KLHL29: variants seen among roughly 807,000 people sequenced by gnomAD.
KLHL29 encodes kelch like family member 29.
KLHL29 carries 21 observed loss-of-function variants against 80.4 expected under a neutral mutation model. The observed-to-expected ratio is 0.26, with a 90% confidence interval of 0.19 to 0.38. The LOEUF (loss-of-function observed/expected upper bound fraction) is 0.38. Ranked by LOEUF, KLHL29 falls within the 10% of genes least tolerant of loss-of-function variation. The probability of loss-of-function intolerance (pLI) is 1.00; values close to 1 mark genes in which losing one functional copy is unlikely to be tolerated. For synonymous variants in KLHL29, 511 were observed against 526.8 expected (o/e 0.97, Z 0.41); for missense variants, 867 against 1,223.9 (o/e 0.71, Z 4.35).
rs1339149265 is a variant in KLHL29, at chr2:23,647,563, CA to C, written c.940+4714del. On this transcript the variant is annotated intron_variant, in intron 5 of 13. Transcript: ENST00000486442. The surrounding 1 kb of genome is among the most constrained non-coding windows in gnomAD (Gnocchi z 4.9). The stretch of plus-strand genomic sequence containing the variant: ...TTCTGTACCCCCACCACCCCACCAT[CA>C]GGCCACCGTCACCTCTGGCCTGCAC... Among the ~76,000 whole-genome samples, 1 of 152,174 alleles carries C rather than the reference CA, an allele frequency of 6.6e-6. No homozygotes were observed. The highest frequency in any genetic ancestry group is 1.5e-5 in the Non-Finnish European group (1 of 68,016).
chr2:23,525,720 G>A (rs1247444628), intron 2 of KLHL29, among the ~76,000 whole-genome samples: 1 of 49,922 alleles, frequency 2.0e-5, no homozygotes, highest in Non-Finnish European at 3.4e-5. Flanking sequence ...GTGAGCCCCA[G>A]CCCCTGCCCC....
chr2:23,534,803 G>T (rs557481755), intron 2 of KLHL29, among the ~76,000 whole-genome samples: 1 of 152,278 alleles, frequency 6.6e-6, no homozygotes, highest in South Asian at 2.1e-4. Context: ...TGCAGAATTA[G>T]AAAGAAAAAA....
intron 1 of KLHL29, among the ~76,000 whole-genome samples, chr2:23,432,363 T>C (rs1482877714): frequency 6.6e-6 from 1 of 152,258 alleles, no homozygotes; most frequent in East Asian, 1.9e-4. Context: ...ATCTGTGCTC[T>C]TAGCTGGTTA....
intron 5 of KLHL29, among the ~76,000 whole-genome samples, chr2:23,671,325 C>A (rs1670751493): frequency 6.6e-6 from 1 of 152,004 alleles, no homozygotes; most frequent in Non-Finnish European, 1.5e-5. Context: ...GCCCCATGCC[C>A]AGTTCTCTCT....
intron 1 of KLHL29, among the ~76,000 whole-genome samples, chr2:23,389,651 C>A (rs13015234): frequency 2.6e-5 from 4 of 151,178 alleles, no homozygotes; most frequent in Admixed American, 2.6e-4. Context: ...ACAGTGATCA[C>A]GCCACTGTAC....
intron 2 of KLHL29, among the ~76,000 whole-genome samples, chr2:23,499,441 A>G (rs1665366759): frequency 6.6e-6 from 1 of 152,152 alleles, no homozygotes. Flanking sequence ...ACCTGAATAG[A>G]TACTTATGTT....
chr2:23,615,006 C>T (rs1487240371), intron 3 of KLHL29, among the ~76,000 whole-genome samples: 1 of 152,236 alleles, frequency 6.6e-6, no homozygotes, highest in Non-Finnish European at 1.5e-5. Context: ...CCGTTCCAGC[C>T]ATCAGGTCCT....
chr2:23,572,266 C>G (rs1308890574), intron 3 of KLHL29, among the ~76,000 whole-genome samples: 1 of 152,228 alleles, frequency 6.6e-6, no homozygotes, highest in East Asian at 1.9e-4. Context: ...GCACCTGCCA[C>G]TCCGTCTTCC....
rs1336276557 is a variant in KLHL29 at position 23,669,368 on chromosome 2, G to A, written c.941-15031G>A. ...GAATGGGTAGATGTTTTCTGAACGA[G>A]GGCGAAGGAATTCCCTGGCAGAGGG... On this transcript the variant is annotated intron_variant, in intron 5 of 13. Coordinates refer to ENST00000486442, the MANE Select transcript of KLHL29 (RefSeq NM_052920.2). The surrounding 1 kb of genome is among the most constrained non-coding windows in gnomAD (Gnocchi z 4.3). 1 of 152,232 alleles carries A rather than the reference G, an allele frequency of 6.6e-6. No homozygotes were observed. The highest frequency in any genetic ancestry group is 2.4e-5 in the African/African-American group (1 of 41,440). The allele number at this position is 152,232 out of a possible 1,614,324, so 9.4% of individuals were successfully genotyped here.
chr2:23,433,309 C>T (rs1663236438), intron 1 of KLHL29, among the ~76,000 whole-genome samples: 1 of 152,234 alleles, frequency 6.6e-6, no homozygotes, highest in Admixed American at 6.5e-5. Context: ...ATTATGGTGG[C>T]TACAAAGCTG....
intron 4 of KLHL29, 70 bp downstream of exon 4, chr2:23,639,350 G>T (rs569200817): frequency 6.8e-7 from 1 of 1,469,310 alleles, no homozygotes; most frequent in African/African-American, 1.4e-5. Context: ...GCTTCCTGGG[G>T]ACCCCAACTC....
chr2:23,573,817 C>T (rs1171935306), intron 3 of KLHL29, among the ~76,000 whole-genome samples: 2 of 152,158 alleles, frequency 1.3e-5, no homozygotes, highest in Non-Finnish European at 2.9e-5. Flanking sequence ...GCCTTAAAGC[C>T]CCGGCCTCTC....
intron 3 of KLHL29, among the ~76,000 whole-genome samples, chr2:23,574,275 C>T (rs144483160): frequency 1.7e-3 from 256 of 152,222 alleles, no homozygotes; most frequent in South Asian, 5.4e-3. Flanking sequence ...TTTGAGGGGG[C>T]TGCTAGGAGT....
intron 2 of KLHL29, among the ~76,000 whole-genome samples, chr2:23,486,966 C>T (rs1337779809): frequency 6.6e-6 from 1 of 152,182 alleles, no homozygotes; most frequent in East Asian, 1.9e-4. Context: ...CTCCCAGTGG[C>T]CTTAGGGCTG....
At chr2:23,395,457 C>T (rs138033954) in intron 1 of KLHL29, among the ~76,000 whole-genome samples, 10 of 152,286 alleles carry the variant, frequency 6.6e-5, no homozygotes, top group African/African-American at 1.9e-4. Flanking sequence ...TTAGAAACTA[C>T]GATTGCAGGC....
In KLHL29 at chr2:23,485,158, A is replaced by G. The variant is rs551135547; in HGVS notation, c.-46+9491A>G. Among the ~76,000 whole-genome samples the G allele has an allele frequency of 3.3e-5, 5 of 152,222 alleles. No homozygotes were observed. The East Asian group carries it at 9.7e-4, about 29-fold the overall frequency. ...ACACAGGCTGAAAAGGAATTGATGAATGGAAAAAGTCAGTTCCCACGGCCT... is the reference window on the plus strand; with the variant it reads ...ACACAGGCTGAAAAGGAATTGATGAGTGGAAAAAGTCAGTTCCCACGGCCT... On this transcript the variant is annotated intron_variant, in intron 2 of 13. Transcript: ENST00000486442.
chr2:23,525,732 C>A lies in KLHL29; in HGVS notation c.-45-36420C>A, dbSNP rs866826354. On this transcript the variant is annotated intron_variant, in intron 2 of 13. Coordinates refer to ENST00000486442, the MANE Select transcript of KLHL29 (RefSeq NM_052920.2). Reference sequence around the variant, plus strand: ...CGAGTGAGCCCCAGCCCCTGCCCCCCCCCCCCACCCGAGGCGAGCCAGCAG... The same window carrying A: ...CGAGTGAGCCCCAGCCCCTGCCCCCACCCCCCACCCGAGGCGAGCCAGCAG... Among the ~76,000 whole-genome samples the A allele has an allele frequency of 3.4e-4, 23 of 66,694 alleles. No individual in the cohort carries two copies. In the East Asian group the frequency reaches 4.0e-3, roughly 12 times the overall value. 43.8% of individuals were successfully genotyped at this position (66,694 alleles called of 152,430 possible). A position where few individuals can be genotyped will look rare whatever the true frequency, so the allele number is the denominator to read the frequency against.
In KLHL29 at chr2:23,691,818, G is replaced by A. The variant is rs895554861; in HGVS notation, c.1224G>A (p.Leu408=). 1.3e-6 allele frequency: 2 copies of A among 1,551,664 alleles called. No individual in the cohort carries two copies. The highest frequency in any genetic ancestry group is 8.7e-7 in the Non-Finnish European group (1 of 1,147,020). The change falls in exon 7 of 14, where the codon CTG becomes CTA. Residue 408 remains leucine, a synonymous_variant. Transcript: ENST00000486442. ...ACTCGGCCAACGCCAAGACACTGCT[G>A]GAGGCGGCCAGCAAGTTCCAGTTCC... The part of the protein sequence containing the change: ...VIDSANAKTL[L]EAASKFQFHT...
In KLHL29 at chr2:23,385,756, C is replaced by A; in HGVS notation, c.-178C>A. Reference sequence around the variant, plus strand: ...GACCCCGGGCTCTCTGCGCGTCGGGCCGGGGCCGGAGCCGCGCGCCGGAGG... The same window carrying A: ...GACCCCGGGCTCTCTGCGCGTCGGGACGGGGCCGGAGCCGCGCGCCGGAGG... On this transcript the variant is annotated 5_prime_UTR_variant, in exon 1 of 14. Transcript: ENST00000486442. 1.2e-5 allele frequency: 1 copy of A among 80,930 alleles called. No homozygotes were observed. 5.0% of individuals were successfully genotyped at this position (80,930 alleles called of 1,614,324 possible). A position where few individuals can be genotyped will look rare whatever the true frequency, so the allele number is the denominator to read the frequency against.
Sources: gnomAD v4.1 joint callset for allele counts (sites outside exome capture counted in the v4.1 genomes callset) on GRCh38, gnomAD v4.1.1 for gene constraint, Gnocchi (gnomAD v3.1) non-coding constraint, MANE v1.5 for transcripts, NCBI Gene and HGNC (gene_info 2026-07-23, HGNC 2026-07-21) for gene names.